The following RASAL2 variants were observed in gnomAD, a reference collection of about 807,000 sequenced individuals.
The protein encoded by RASAL2 is RAS protein activator like 2, also known as ras GTPase-activating protein nGAP.
A neutral mutation model predicts 128.9 loss-of-function variants in RASAL2; 58 were observed. The ratio of observed to expected loss-of-function variants is 0.45; its 90% confidence interval spans 0.36 to 0.56. The LOEUF (loss-of-function observed/expected upper bound fraction) is 0.56, where lower values mean the gene tolerates loss of function less well. RASAL2 is among the 20% of genes least tolerant of loss of function. The probability of loss-of-function intolerance (pLI) is 0.00; values close to 1 mark genes in which losing one functional copy is unlikely to be tolerated. For synonymous variants in RASAL2, 561 were observed against 580.8 expected (o/e 0.97, Z 0.49); for missense variants, 1,360 against 1,601.6 (o/e 0.85, Z 2.57).
At chr1:178,472,927 GT>G in intron 17 of RASAL2, 147 bp from the exon 18 acceptor site, 1 of 855,866 alleles carries the variant, frequency 1.2e-6, no homozygotes, top group Non-Finnish European at 1.8e-6. Flanking sequence ...CCTGACCAGT[GT>G]GCAGAAAGAG....
At chr1:178,231,622 A>T (rs1664011435) in intron 1 of RASAL2, among the ~76,000 whole-genome samples, 1 of 152,154 alleles carries the variant, frequency 6.6e-6, no homozygotes, top group African/African-American at 2.4e-5. Context: ...AGGTCACAAA[A>T]ATACTCACTC....
chr1:178,291,123 C>T (rs760880992), intron 2 of RASAL2, among the ~76,000 whole-genome samples: 6 of 151,926 alleles, frequency 3.9e-5, no homozygotes, highest in South Asian at 4.1e-4. Flanking sequence ...AATAAGGGCT[C>T]ATGAGGAGAA....
At chr1:178,162,379 TTATATATTA>T (rs1354517173) in intron 1 of RASAL2, among the ~76,000 whole-genome samples, 34 of 116,956 alleles carry the variant, frequency 2.9e-4, no homozygotes, top group Admixed American at 1.1e-3. Context: ...TAATATATAT[TTATATATTA>T]TATATATTAT....
At chr1:178,220,027 G>T (rs1210413662) in intron 1 of RASAL2, among the ~76,000 whole-genome samples, 2 of 151,966 alleles carry the variant, frequency 1.3e-5, no homozygotes, top group African/African-American at 4.8e-5. Context: ...AAAGAGTGTG[G>T]TATGTCCTCT....
chr1:178,350,899 A>G (rs1670437065), intron 3 of RASAL2, among the ~76,000 whole-genome samples: 1 of 152,206 alleles, frequency 6.6e-6, no homozygotes, highest in Non-Finnish European at 1.5e-5. Context: ...GTAATTTATA[A>G]AGAAAAGAGG....
intron 17 of RASAL2, chr1:178,470,771 G>T: frequency 7.5e-7 from 1 of 1,338,958 alleles, no homozygotes; most frequent in Non-Finnish European, 1.0e-6. Flanking sequence ...TCCCAGCCCT[G>T]GCCCAGTGCA....
At chr1:178,411,210 C>G (rs1466549662) in intron 4 of RASAL2, among the ~76,000 whole-genome samples, 2 of 151,902 alleles carry the variant, frequency 1.3e-5, no homozygotes, top group African/African-American at 4.8e-5. Flanking sequence ...GAATACTACT[C>G]AGTCACAAAC....
At chr1:178,116,890 C>A (rs946937751) in intron 1 of RASAL2, among the ~76,000 whole-genome samples, 5 of 152,120 alleles carry the variant, frequency 3.3e-5, no homozygotes, top group African/African-American at 1.2e-4. Context: ...GATTACCCAC[C>A]ACACCTGGCC....
At chr1:178,176,786 C>T (rs1187508086) in intron 1 of RASAL2, among the ~76,000 whole-genome samples, 1 of 152,002 alleles carries the variant, frequency 6.6e-6, no homozygotes, top group Admixed American at 6.6e-5. Flanking sequence ...GCTGAGACTA[C>T]AGGCGTGTGC....
At chr1:178,149,961 A>G (rs573766747) in intron 1 of RASAL2, among the ~76,000 whole-genome samples, 8 of 152,226 alleles carry the variant, frequency 5.3e-5, no homozygotes, top group Non-Finnish European at 7.4e-5. Flanking sequence ...TGTGAGTTCT[A>G]TTAGTATTGG....
At chr1:178,149,792 A>G (rs1204942071) in intron 1 of RASAL2, among the ~76,000 whole-genome samples, 1 of 152,180 alleles carries the variant, frequency 6.6e-6, no homozygotes, top group Non-Finnish European at 1.5e-5. Context: ...GTACTTAAAA[A>G]TAAATTACAT....
chr1:178,361,633 T>A lies in RASAL2; in HGVS notation c.458-28467T>A, dbSNP rs1319306193. Among the ~76,000 whole-genome samples the A allele has an allele frequency of 2.0e-5, 3 of 152,052 alleles. No individual in the cohort carries two copies. In the East Asian group the frequency reaches 5.8e-4, roughly 29 times the overall value. ...TTGTTCTCATCACTATTCCCTAAAC[T>A]AGTGCTCCCCAGCCTTTTTGGCACC... On this transcript the variant is annotated intron_variant, in intron 3 of 17. Transcript: ENST00000367649.
At chr1:178,134,934 A>G (rs1249901457) in intron 1 of RASAL2, among the ~76,000 whole-genome samples, 3 of 152,178 alleles carry the variant, frequency 2.0e-5, no homozygotes, top group East Asian at 1.9e-4. Flanking sequence ...GGGAGGGCCA[A>G]TGAATGCCAA....
intron 17 of RASAL2, 69 bp from the exon 18 acceptor site, chr1:178,473,006 T>G (rs1212591525): frequency 6.5e-7 from 1 of 1,549,544 alleles, no homozygotes; most frequent in Non-Finnish European, 8.9e-7. Context: ...ACTGGACTAG[T>G]CATTCAGTAA....
chr1:178,434,443 GA>G (rs1318786106), intron 5 of RASAL2, among the ~76,000 whole-genome samples: 3 of 152,020 alleles, frequency 2.0e-5, no homozygotes, highest in Non-Finnish European at 4.4e-5. Context: ...TTCTCATTTT[GA>G]GTGACAACTC....
intron 1 of RASAL2, among the ~76,000 whole-genome samples, chr1:178,110,959 C>T (rs539009366): frequency 2.0e-5 from 3 of 151,670 alleles, no homozygotes; most frequent in South Asian, 2.1e-4. Flanking sequence ...TTTCTTTTTA[C>T]GGAATATTTT....
intron 1 of RASAL2, among the ~76,000 whole-genome samples, chr1:178,115,196 T>C (rs971396377): frequency 1.3e-5 from 2 of 152,256 alleles, no homozygotes; most frequent in African/African-American, 4.8e-5. Flanking sequence ...TATTTGTTTC[T>C]TCTTGAGTGT....
chr1:178,302,387 A>G (rs1667805341), intron 3 of RASAL2, among the ~76,000 whole-genome samples: 2 of 152,348 alleles, frequency 1.3e-5, no homozygotes, highest in East Asian at 1.9e-4. Context: ...AAAAAAAATT[A>G]AATATCCTGT....
At position 178,478,060 on chromosome 1, in the gene RASAL2, A is replaced by G. The variant is rs1222063791; in HGVS notation, c.*4821A>G. 6.6e-6 allele frequency: 1 copy of G among 152,194 alleles called. No individual in the cohort carries two copies. The highest frequency in any genetic ancestry group is 1.5e-5 in the Non-Finnish European group (1 of 68,028). 9.4% of individuals were successfully genotyped at this position (152,194 alleles called of 1,614,324 possible). On this transcript the variant is annotated 3_prime_UTR_variant, in exon 18 of 18. Coordinates refer to ENST00000367649, the MANE Select transcript of RASAL2 (RefSeq NM_170692.4). ...GAGCACCCGAGGAAAGGAAAGTGGT[A>G]GTCTTTGCCTGCATTTCAGCATGCA...
Sources: gnomAD v4.1 joint callset for allele counts (sites outside exome capture counted in the v4.1 genomes callset) on GRCh38, gnomAD v4.1.1 for gene constraint, MANE v1.5 for transcripts, NCBI Gene and HGNC (gene_info 2026-07-23, HGNC 2026-07-21) for gene names.